CSMD3: variants seen among roughly 807,000 people sequenced by gnomAD.
CSMD3 encodes CUB and sushi domain-containing protein 3.
In CSMD3, 177 loss-of-function variants were observed where a neutral mutation model predicts 435.2. The observed-to-expected ratio is 0.41, with a 90% CI of 0.36 to 0.46. The LOEUF (loss-of-function observed/expected upper bound fraction) is 0.46. CSMD3 is among the 20% of genes least tolerant of loss of function. The pLI, the probability that CSMD3 is intolerant of heterozygous loss-of-function variation, is 0.34. For missense variants in CSMD3, 4,265 were observed against 4,504.6 expected, an observed-to-expected ratio of 0.95 and a Z score of 1.52; for synonymous variants, 1,656 against 1,520.5, an observed-to-expected ratio of 1.09 and a Z score of -2.07.
chr8:112,643,156 A>C (rs1214730376), intron 20 of CSMD3, among the ~76,000 whole-genome samples: 5 of 152,162 alleles, frequency 3.3e-5, no homozygotes, highest in Non-Finnish European at 1.5e-5. Flanking sequence ...GGTTGGAGCA[A>C]GGATTAGGCT....
At chr8:113,403,837 T>A (rs1442501870) in intron 1 of CSMD3, among the ~76,000 whole-genome samples, 1 of 151,456 alleles carries the variant, frequency 6.6e-6, no homozygotes, top group Non-Finnish European at 1.5e-5. Context: ...TCACATTGGC[T>A]TCGATACAGA....
intron 22 of CSMD3, among the ~76,000 whole-genome samples, chr8:112,608,770 A>G (rs1045981458): frequency 1.3e-5 from 2 of 152,044 alleles, no homozygotes; most frequent in African/African-American, 4.8e-5. Context: ...TCTTCAATAA[A>G]TGGTGTTAGA....
chr8:112,268,578 G>A (rs979638840), intron 59 of CSMD3, among the ~76,000 whole-genome samples: 2 of 152,006 alleles, frequency 1.3e-5, no homozygotes, highest in African/African-American at 4.8e-5. Context: ...AATATACATA[G>A]ACATGCATAA....
chr8:112,818,773 C>T (rs546679493), intron 12 of CSMD3, among the ~76,000 whole-genome samples: 1 of 152,212 alleles, frequency 6.6e-6, no homozygotes, highest in South Asian at 2.1e-4. Flanking sequence ...TCCACCTCCC[C>T]TTTGAGACCC....
At chr8:113,313,053 T>C (rs2093882352) in intron 2 of CSMD3, 1 of 152,194 alleles carries the variant, frequency 6.6e-6, no homozygotes, top group African/African-American at 2.4e-5. Context: ...CTGGAAGCAG[T>C]TCGATGTGCT....
At chr8:112,985,661 T>C (rs1487784254) in intron 6 of CSMD3, among the ~76,000 whole-genome samples, 3 of 152,026 alleles carry the variant, frequency 2.0e-5, no homozygotes, top group South Asian at 2.1e-4. Flanking sequence ...CTACTCCCCA[T>C]TGATCACATT....
At chr8:112,276,291 C>T (rs1028105685) in intron 59 of CSMD3, among the ~76,000 whole-genome samples, 1 of 152,220 alleles carries the variant, frequency 6.6e-6, no homozygotes, top group Non-Finnish European at 1.5e-5. Context: ...TACAGCCTCC[C>T]TCTCACCTGC....
At chr8:112,688,806 T>C (rs551731350) in intron 14 of CSMD3, among the ~76,000 whole-genome samples, 1 of 152,148 alleles carries the variant, frequency 6.6e-6, no homozygotes, top group Non-Finnish European at 1.5e-5. Flanking sequence ...AAAAAATGTT[T>C]TCTAGTATTC....
chr8:113,421,726 G>A (rs1168887140), intron 1 of CSMD3, among the ~76,000 whole-genome samples: 1 of 151,948 alleles, frequency 6.6e-6, no homozygotes, highest in East Asian at 1.9e-4. Context: ...GCACAAGGAA[G>A]GACTTTTTCT....
intron 44 of CSMD3, among the ~76,000 whole-genome samples, chr8:112,336,305 A>G (rs1187766633): frequency 6.6e-6 from 1 of 152,136 alleles, no homozygotes; most frequent in Non-Finnish European, 1.5e-5. Flanking sequence ...AAATAATTAT[A>G]ATTTCTTAAA....
At chr8:112,467,120 G>A (rs1446209378) in intron 32 of CSMD3, among the ~76,000 whole-genome samples, 1 of 152,148 alleles carries the variant, frequency 6.6e-6, no homozygotes, top group African/African-American at 2.4e-5. Context: ...TGTGCCATTT[G>A]CACATAGTAG....
At chr8:112,491,150 G>A (rs1386203649) in intron 31 of CSMD3, among the ~76,000 whole-genome samples, 1 of 152,096 alleles carries the variant, frequency 6.6e-6, no homozygotes, top group Non-Finnish European at 1.5e-5. Flanking sequence ...ATTCTTATAA[G>A]TGAATACATT....
At chr8:112,972,250 T>A (rs1365980126) in intron 7 of CSMD3, among the ~76,000 whole-genome samples, 1 of 151,976 alleles carries the variant, frequency 6.6e-6, no homozygotes, top group Admixed American at 6.5e-5. Context: ...AATAAAAAAA[T>A]TAAAAATATT....
chr8:112,425,651 C>T (rs1309565792), intron 32 of CSMD3, among the ~76,000 whole-genome samples: 2 of 152,138 alleles, frequency 1.3e-5, no homozygotes, highest in African/African-American at 4.8e-5. Flanking sequence ...CTGTTATAAA[C>T]AATTCCATAC....
chr8:112,544,494 T>C (rs1205368244), intron 27 of CSMD3, among the ~76,000 whole-genome samples: 1 of 152,202 alleles, frequency 6.6e-6, no homozygotes, highest in Non-Finnish European at 1.5e-5. Context: ...CTAATTTCTG[T>C]TCACACAGCT....
chr8:112,875,330 T>C (rs1329284669), intron 10 of CSMD3, among the ~76,000 whole-genome samples: 2 of 152,184 alleles, frequency 1.3e-5, no homozygotes, highest in African/African-American at 4.8e-5. Context: ...ACCCAACCTT[T>C]CTTGCTGCCT....
chr8:113,233,190 C>T (rs1261302627), intron 3 of CSMD3, among the ~76,000 whole-genome samples: 1 of 151,502 alleles, frequency 6.6e-6, no homozygotes, highest in African/African-American at 2.4e-5. Context: ...CAATCGATAA[C>T]TCATATTCAA....
rs190652196 is a variant in CSMD3, at chr8:113,346,995, G to A, written c.179-32202C>T. Among the ~76,000 whole-genome samples, 778 of 151,958 alleles carry A rather than the reference G, an allele frequency of 5.1e-3. 12 individuals carry two copies. Among genetic ancestry groups the A allele is most frequent in the African/African-American group, 0.018 (750 of 41,454 alleles). ...AAATTCATCCAGAGTAATATATTTGGGGGTACTCTGAATTCAATCACCCTT... is the reference window on the plus strand; with the variant it reads ...AAATTCATCCAGAGTAATATATTTGAGGGTACTCTGAATTCAATCACCCTT... On this transcript the variant is annotated intron_variant, in intron 1 of 70. Transcript: ENST00000297405.
chr8:112,895,980 A>C (rs191936555), intron 10 of CSMD3, among the ~76,000 whole-genome samples: 117 of 151,598 alleles, frequency 7.7e-4, no homozygotes, highest in African/African-American at 2.7e-3. Flanking sequence ...TCAATAATGA[A>C]ATCATCTTTC....
Sources: allele counts gnomAD v4.1 joint callset (sites outside exome capture counted in the v4.1 genomes callset), GRCh38; gene constraint gnomAD v4.1.1; transcripts MANE v1.5; gene names NCBI Gene and HGNC (gene_info 2026-07-23, HGNC 2026-07-21).